Variants in GRM4 observed in about 807,000 individuals in gnomAD.
The protein encoded by GRM4 is metabotropic glutamate receptor 4.
Under a neutral mutation model 81.7 loss-of-function variants are expected in GRM4, and 28 were observed. That is an observed-to-expected ratio of 0.34 (90% CI 0.25 to 0.47). The LOEUF (loss-of-function observed/expected upper bound fraction) is 0.47, where lower values mean the gene tolerates loss of function less well. Among genes scored for constraint, GRM4 ranks in the 20% least tolerant of loss-of-function variants. The pLI is 1.00. For missense variants in GRM4, 948 were observed against 1,290.0 expected (o/e 0.73, Z 4.06); for synonymous variants, 488 against 528.8 (o/e 0.92, Z 1.06).
chr6:34,025,360 C>T (rs746950256), intron 10 of GRM4, among the ~76,000 whole-genome samples: 1 of 152,158 alleles, frequency 6.6e-6, no homozygotes, highest in African/African-American at 2.4e-5. Flanking sequence ...GCCTGTAAAA[C>T]CCATCAGCAG....
intron 1 of GRM4, among the ~76,000 whole-genome samples, chr6:34,142,934 G>A (rs905362338): frequency 2.0e-5 from 3 of 152,178 alleles, no homozygotes; most frequent in African/African-American, 7.2e-5. Context: ...GCTTGGTGAC[G>A]AGCTACATGC....
In GRM4 at chr6:34,141,235, C is replaced by T. The variant is rs1379686605; in HGVS notation, c.-364+4765G>A. The stretch of plus-strand genomic sequence containing the variant: ...TGGTTCCCATGCTGGTGGCCCAGCC[C>T]GGGGAGAGCAGCTGTCCAGGCTCTC... On this transcript the variant is annotated intron_variant, in intron 1 of 10. Coordinates refer to ENST00000538487, the MANE Select transcript of GRM4 (RefSeq NM_000841.4). Among the ~76,000 whole-genome samples, 3 of 152,210 alleles carry T rather than the reference C, an allele frequency of 2.0e-5. No homozygotes were observed. In the East Asian group the frequency reaches 5.8e-4, roughly 29 times the overall value.
In GRM4 at chr6:34,089,874, C is replaced by T. The variant is rs114251108; in HGVS notation, c.736+2009G>A. On this transcript the variant is annotated intron_variant, in intron 3 of 10. Transcript: ENST00000538487. The surrounding 1 kb of genome is among the most constrained non-coding windows in gnomAD (Gnocchi z 4.3). ...CATGGGTGTGCCTGTGTGTCCCTGT[C>T]ATACCCTAGCACTTGCACAGGGGCT... Among the ~76,000 whole-genome samples the T allele has an allele frequency of 2.6e-3, 402 of 152,296 alleles. 2 individuals carry two copies. The highest frequency in any genetic ancestry group is 9.1e-3 in the African/African-American group (376 of 41,546).
intron 3 of GRM4, among the ~76,000 whole-genome samples, chr6:34,066,105 T>A (rs1432965099): frequency 6.6e-6 from 1 of 152,072 alleles, no homozygotes; most frequent in Non-Finnish European, 1.5e-5. Flanking sequence ...TCAAGGCGTG[T>A]CCATTGGAAC....
intron 6 of GRM4, among the ~76,000 whole-genome samples, chr6:34,041,259 G>C (rs1030756794): frequency 6.6e-6 from 1 of 152,152 alleles, no homozygotes; most frequent in African/African-American, 2.4e-5. Context: ...CTCACCCCAG[G>C]GTATGGGTAG....
chr6:34,021,315 C>G lies in GRM4; in HGVS notation c.*1506G>C. ...ATGCCTGTGCCGTGCACTTGTGGGC[C>G]CACGTGGACACATAACAACACACTG... On this transcript the variant is annotated 3_prime_UTR_variant, in exon 11 of 11. Coordinates refer to ENST00000538487, the MANE Select transcript of GRM4 (RefSeq NM_000841.4). The surrounding 1 kb of genome is among the most constrained non-coding windows in gnomAD (Gnocchi z 5.3). 1 of 152,346 alleles carries G rather than the reference C, an allele frequency of 6.6e-6. No individual in the cohort carries two copies. Among genetic ancestry groups the G allele is most frequent in the East Asian group, 1.9e-4 (1 of 5,182 alleles). 9.4% of individuals were successfully genotyped at this position (152,346 alleles called of 1,614,324 possible).
intron 6 of GRM4, among the ~76,000 whole-genome samples, chr6:34,053,817 T>C (rs1158346396): frequency 1.3e-5 from 2 of 152,222 alleles, no homozygotes; most frequent in African/African-American, 4.8e-5. Context: ...AGGTGATTCA[T>C]TGTGAACAAA....
At chr6:34,076,804 CT>C (rs1194693281) in intron 3 of GRM4, among the ~76,000 whole-genome samples, 1 of 152,176 alleles carries the variant, frequency 6.6e-6, no homozygotes, top group African/African-American at 2.4e-5. Context: ...CCCCAGAAAA[CT>C]TCCCCAGGCT....
rs1320489492 is a variant in GRM4 at position 34,121,089 on chromosome 6, A to G, written c.519+11889T>C. 6.6e-6 allele frequency among the ~76,000 whole-genome samples: 1 copy of G among 152,094 alleles called. No individual in the cohort carries two copies. The highest frequency in any genetic ancestry group is 2.4e-5 in the African/African-American group (1 of 41,402). On this transcript the variant is annotated intron_variant, in intron 2 of 10. Coordinates refer to ENST00000538487, the MANE Select transcript of GRM4 (RefSeq NM_000841.4). This position sits in a 1 kb window ranked among gnomAD's most constrained non-coding sequence, Gnocchi z 4.6. ...ATGACGGACCCACATTGAACATGCC[A>G]CTCATTTTCAATAAAGTAAAAGGCG... is the stretch of plus-strand genomic sequence containing the variant.
chr6:34,067,426 T>A (rs974152891), intron 3 of GRM4, among the ~76,000 whole-genome samples: 2 of 73,618 alleles, frequency 2.7e-5, no homozygotes, highest in Non-Finnish European at 4.8e-5. Context: ...CCCTCCGTCC[T>A]TCCCTCCCTC....
chr6:34,045,755 C>T (rs1338067633), intron 6 of GRM4, among the ~76,000 whole-genome samples: 1 of 152,178 alleles, frequency 6.6e-6, no homozygotes, highest in Non-Finnish European at 1.5e-5. Context: ...AACCCCAGGA[C>T]CAGGCAGGGG....
Position 34,035,844 on chromosome 6 carries a change from G to C in GRM4, c.2266C>G (p.Leu756Val). The change falls in exon 9 of 11, where the codon CTG (leucine) becomes GTG (valine). Residue 756 changes from leucine (L) to valine (V), a missense_variant. Physicochemically the swap from Leu to Val is conservative, Grantham distance 32. Transcript: ENST00000538487. This position sits in a 1 kb window ranked among gnomAD's most constrained non-coding sequence, Gnocchi z 6.6. The stretch of plus-strand genomic sequence containing the variant: ...ATGAGCAGCATGCTGTAGCCCAGCA[G>C]GCAGATGAGCGACAGGTCCGAGATG... The part of the protein sequence containing the change: ...CDISDLSLIC[L>V]LGYSMLLMVT... 6.2e-7 allele frequency: 1 copy of C among 1,612,562 alleles called. No individual in the cohort carries two copies. Among genetic ancestry groups the C allele is most frequent in the Non-Finnish European group, 8.5e-7 (1 of 1,178,672 alleles).
At chr6:34,102,386 G>A (rs1411139499) in intron 2 of GRM4, among the ~76,000 whole-genome samples, 2 of 152,056 alleles carry the variant, frequency 1.3e-5, no homozygotes, top group African/African-American at 2.4e-5. Flanking sequence ...CTCCAGTCAC[G>A]CCAGCCTCCT....
chr6:34,140,635 G>A (rs774378795), intron 1 of GRM4, among the ~76,000 whole-genome samples: 3 of 152,098 alleles, frequency 2.0e-5, no homozygotes, highest in East Asian at 1.9e-4. Context: ...CCAGGCTCAC[G>A]CTTGCCTGGA....
exon 1 of GRM4, chr6:34,155,195 G>A: frequency 6.5e-7 from 1 of 1,535,682 alleles, no homozygotes; most frequent in Non-Finnish European, 8.7e-7. Context: ...TGCTCTCCTG[G>A]CAGGGAGGGG....
rs896956896 is a variant in GRM4 at position 34,092,302 on chromosome 6, C to A, written c.520-203G>T. Among the ~76,000 whole-genome samples, 1 of 152,188 alleles carries A rather than the reference C, an allele frequency of 6.6e-6. No homozygotes were observed. Among genetic ancestry groups the A allele is most frequent in the Non-Finnish European group, 1.5e-5 (1 of 68,026 alleles). ...GGTCCCCAAAGACACCCCAACCACA[C>A]ACAGATACACACACAGGCACACACA... is the stretch of plus-strand genomic sequence containing the variant. On this transcript the variant is annotated intron_variant, in intron 2 of 10. Coordinates refer to ENST00000538487, the MANE Select transcript of GRM4 (RefSeq NM_000841.4). This position sits in a 1 kb window ranked among gnomAD's most constrained non-coding sequence, Gnocchi z 6.8.
chr6:34,083,711 C>T (rs1767732160), intron 3 of GRM4, among the ~76,000 whole-genome samples: 1 of 152,176 alleles, frequency 6.6e-6, no homozygotes, highest in Non-Finnish European at 1.5e-5. Flanking sequence ...TCCCTGGGTC[C>T]CAGGAGGCAG....
intron 2 of GRM4, among the ~76,000 whole-genome samples, chr6:34,096,431 T>C (rs1198891152): frequency 1.3e-5 from 2 of 152,156 alleles, no homozygotes; most frequent in African/African-American, 2.4e-5. Context: ...CAGCACTGAA[T>C]GCGGCTGCCC....
rs1763811832 is a variant in GRM4, at chr6:34,019,976, TGCAGCAGGTCTAGCTG to T, written c.*2829_*2844del. The T allele has an allele frequency of 6.6e-6, 1 of 152,320 alleles. No homozygotes were observed. Among genetic ancestry groups the T allele is most frequent in the Non-Finnish European group, 1.5e-5 (1 of 68,160 alleles). The allele number at this position is 152,320 out of a possible 1,614,324, so 9.4% of individuals were successfully genotyped here. A position where few individuals can be genotyped will look rare whatever the true frequency, so the allele number is the denominator to read the frequency against. Reference sequence around the variant, plus strand: ...CAGCAGCACCCACCCTCCCAACTGCTGCAGCAGGTCTAGCTGGCAAAAGTCTTGCTAGGGCCTGGTT... The same window carrying T: ...CAGCAGCACCCACCCTCCCAACTGCTGCAAAAGTCTTGCTAGGGCCTGGTT... On this transcript the variant is annotated 3_prime_UTR_variant, in exon 11 of 11. Transcript: ENST00000538487.
Sources: allele counts gnomAD v4.1 joint callset (sites outside exome capture counted in the v4.1 genomes callset), GRCh38; gene constraint gnomAD v4.1.1; non-coding constraint Gnocchi (gnomAD v3.1); transcripts MANE v1.5; gene names NCBI Gene and HGNC (gene_info 2026-07-23, HGNC 2026-07-21).